The following SPPL2A variants were observed in gnomAD, a reference collection of about 807,000 sequenced individuals.
SPPL2A encodes the protein signal peptide peptidase-like 2A.
A neutral mutation model predicts 63.8 loss-of-function variants in SPPL2A; 51 were observed. The observed-to-expected ratio is 0.80, with a 90% CI of 0.64 to 1.01. The LOEUF (loss-of-function observed/expected upper bound fraction) is 1.01, where lower values mean the gene tolerates loss of function less well. Ranked by LOEUF, SPPL2A falls within the 50% of genes least tolerant of loss-of-function variation. The probability of loss-of-function intolerance (pLI) is 0.00; values close to 1 mark genes in which losing one functional copy is unlikely to be tolerated. For synonymous variants in SPPL2A, 188 were observed against 205.8 expected, an observed-to-expected ratio of 0.91 and a Z score of 0.74; for missense variants, 553 against 622.7, an observed-to-expected ratio of 0.89 and a Z score of 1.19.
chr15:50,724,969 A>G (rs1350718174), intron 12 of SPPL2A, among the ~76,000 whole-genome samples: 1 of 152,222 alleles, frequency 6.6e-6, no homozygotes, highest in African/African-American at 2.4e-5. Flanking sequence ...TTGAAGAAGA[A>G]GGTTAAACTG....
chr15:50,721,605 T>A (rs1367863656), intron 13 of SPPL2A, among the ~76,000 whole-genome samples: 2 of 131,836 alleles, frequency 1.5e-5, no homozygotes, highest in Admixed American at 7.6e-5. Flanking sequence ...AATACAAAAA[T>A]AATTTTTTTT....
intron 6 of SPPL2A, among the ~76,000 whole-genome samples, chr15:50,736,991 G>A (rs2062776497): frequency 1.3e-5 from 2 of 151,360 alleles, no homozygotes; most frequent in African/African-American, 4.8e-5. Flanking sequence ...GGCTCTCACT[G>A]CAATCTTTAC....
rs372109893 is a variant in SPPL2A, at chr15:50,748,128, A to T, written c.435T>A (p.Phe145Leu). The T allele has an allele frequency of 6.9e-7, 1 of 1,448,194 alleles. No individual in the cohort carries two copies. Among genetic ancestry groups the T allele is most frequent in the African/African-American group, 1.4e-5 (1 of 69,244 alleles). The allele number at this position is 1,448,194 out of a possible 1,614,324, so 89.7% of individuals were successfully genotyped here. A position where few individuals can be genotyped will look rare whatever the true frequency, so the allele number is the denominator to read the frequency against. The change falls in exon 4 of 15, where the codon TTT becomes TTA. Residue 145 changes from phenylalanine (F) to leucine (L), a missense_variant. Transcript: ENST00000261854. The part of the protein sequence containing the change: ...ILIAFISYKD[F>L]RDMNQTLGDN... ...GCTAATTTACCTGGTTCATATCTCT[A>T]AAGTCTTTGTAGCTTATAAATGCAA... is the stretch of plus-strand genomic sequence containing the variant.
At chr15:50,757,979 G>C (rs1046870933) in intron 1 of SPPL2A, among the ~76,000 whole-genome samples, 1 of 118,872 alleles carries the variant, frequency 8.4e-6, no homozygotes, top group African/African-American at 3.1e-5. Flanking sequence ...GTGAGACTCC[G>C]TCTCAATTAT....
intron 2 of SPPL2A, 98 bp downstream of exon 2, chr15:50,749,538 G>A (rs889813238): frequency 3.1e-5 from 24 of 770,374 alleles, no homozygotes; most frequent in Non-Finnish European, 4.8e-5. Context: ...CGCCCGCCTT[G>A]GCCTCCCAAA....
intron 5 of SPPL2A, among the ~76,000 whole-genome samples, chr15:50,743,669 C>A (rs542876344): frequency 6.6e-6 from 1 of 151,894 alleles, no homozygotes; most frequent in Non-Finnish European, 1.5e-5. Flanking sequence ...TTAATAAGAT[C>A]TCTAGATAAG....
rs2062484774 is a variant in SPPL2A, at chr15:50,702,697, C to T, written c.*5103G>A. 1 of 152,092 alleles carries T rather than the reference C, an allele frequency of 6.6e-6. No homozygotes were observed. The highest frequency in any genetic ancestry group is 1.5e-5 in the Non-Finnish European group (1 of 68,018). 9.4% of individuals were successfully genotyped at this position (152,092 alleles called of 1,614,324 possible). ...AAGCTGTTTGCAATACTTTTTATGC[C>T]TAATCAAAGAACCACATAATGACAT... On this transcript the variant is annotated 3_prime_UTR_variant, in exon 15 of 15. Coordinates refer to ENST00000261854, the MANE Select transcript of SPPL2A (RefSeq NM_032802.4).
intron 1 of SPPL2A, among the ~76,000 whole-genome samples, chr15:50,765,248 TG>T (rs1205168452): frequency 1.6e-5 from 2 of 125,702 alleles, no homozygotes; most frequent in Non-Finnish European, 1.7e-5. Flanking sequence ...GGGAACCGAG[TG>T]GGGGGCGGGA....
At chr15:50,710,799 GAGA>G (rs1316803062) in intron 14 of SPPL2A, among the ~76,000 whole-genome samples, 7 of 152,178 alleles carry the variant, frequency 4.6e-5, no homozygotes, top group African/African-American at 1.7e-4. Context: ...TAAAAATAAT[GAGA>G]AGTACTAGTG....
intron 5 of SPPL2A, among the ~76,000 whole-genome samples, chr15:50,740,446 G>GAAAAAAAAAAAAAAAAAAAAAAA (rs71207378): frequency 8.1e-6 from 1 of 123,506 alleles, no homozygotes; most frequent in Non-Finnish European, 1.6e-5. Context: ...AAAAAAAAAA[G>GAAAAAAAAAAAAAAAAAAAAAAA]AAAAAAAAAA....
Position 50,707,597 on chromosome 15 carries a change from T to G in SPPL2A, c.*203A>C, listed in dbSNP as rs2062520626. The G allele has an allele frequency of 5.6e-6, 3 of 539,374 alleles. No individual in the cohort carries two copies. Among genetic ancestry groups the G allele is most frequent in the Middle Eastern group, 4.9e-4 (1 of 2,026 alleles). The allele number at this position is 539,374 out of a possible 1,614,324, so 33.4% of individuals were successfully genotyped here. A position where few individuals can be genotyped will look rare whatever the true frequency, so the allele number is the denominator to read the frequency against. On this transcript the variant is annotated 3_prime_UTR_variant, in exon 15 of 15. Coordinates refer to ENST00000261854, the MANE Select transcript of SPPL2A (RefSeq NM_032802.4). ...GAAACTACACAGACCATATGTTTTA[T>G]TTAATGTGAAGGCACAACTTTAACA...
intron 1 of SPPL2A, among the ~76,000 whole-genome samples, chr15:50,758,621 C>T (rs979117594): frequency 6.6e-6 from 1 of 152,094 alleles, no homozygotes; most frequent in African/African-American, 2.4e-5. Context: ...AGCCATCATG[C>T]CCAGCCATTT....
In SPPL2A at chr15:50,707,675, T is replaced by C. The variant is rs2062521210; in HGVS notation, c.*125A>G. 5 of 610,670 alleles carry C rather than the reference T, an allele frequency of 8.2e-6. No individual in the cohort carries two copies. Among genetic ancestry groups the C allele is most frequent in the Non-Finnish European group, 1.5e-5 (5 of 340,928 alleles). The allele number at this position is 610,670 out of a possible 1,614,324, so 37.8% of individuals were successfully genotyped here. A position where few individuals can be genotyped will look rare whatever the true frequency, so the allele number is the denominator to read the frequency against. ...TGATGTAACTGTCAGTACCAGCTCATAAAAATATATTTTTGCAAGCATATC... is the reference window on the plus strand; with the variant it reads ...TGATGTAACTGTCAGTACCAGCTCACAAAAATATATTTTTGCAAGCATATC... On this transcript the variant is annotated 3_prime_UTR_variant, in exon 15 of 15. Coordinates refer to ENST00000261854, the MANE Select transcript of SPPL2A (RefSeq NM_032802.4).
rs967429624 is a variant in SPPL2A, at chr15:50,738,107, G to A, written c.734-1367C>T. 7.2e-5 allele frequency among the ~76,000 whole-genome samples: 11 copies of A among 152,074 alleles called. 1 individual carries two copies. In the East Asian group the frequency reaches 1.9e-3, roughly 27 times the overall value. ...GCTGAGGCAGGAGAATCGCTTGAAT[G>A]CGAGAGGCAGAGGTTGCAGTGAACC... On this transcript the variant is annotated intron_variant, in intron 6 of 14. Coordinates refer to ENST00000261854, the MANE Select transcript of SPPL2A (RefSeq NM_032802.4).
chr15:50,761,511 G>A (rs1236298154), intron 1 of SPPL2A, among the ~76,000 whole-genome samples: 1 of 152,168 alleles, frequency 6.6e-6, no homozygotes. Context: ...AGCCACTGGG[G>A]AGGCTGAGGC....
intron 14 of SPPL2A, among the ~76,000 whole-genome samples, chr15:50,718,923 A>C: frequency 6.6e-6 from 1 of 152,090 alleles, no homozygotes; most frequent in East Asian, 1.9e-4. Flanking sequence ...GGAGAGTGGT[A>C]GTTGTAATAG....
Position 50,732,458 on chromosome 15 carries a change from T to C in SPPL2A, c.1014+145A>G, listed in dbSNP as rs1286013088. The C allele has an allele frequency of 2.6e-5, 15 of 578,392 alleles. No individual in the cohort carries two copies. In the South Asian group the frequency reaches 3.2e-4, roughly 12 times the overall value. 35.8% of individuals were successfully genotyped at this position (578,392 alleles called of 1,614,324 possible). ...GAAATGTTCTACAACTTCACTGGGATAGTGGTTATAAAGTTACACATTCAT... is the reference window on the plus strand; with the variant it reads ...GAAATGTTCTACAACTTCACTGGGACAGTGGTTATAAAGTTACACATTCAT... On this transcript the variant is annotated intron_variant, in intron 9 of 14. Transcript: ENST00000261854.
intron 10 of SPPL2A, among the ~76,000 whole-genome samples, chr15:50,730,243 G>A (rs1337767624): frequency 1.3e-5 from 2 of 151,990 alleles, no homozygotes; most frequent in Non-Finnish European, 2.9e-5. Flanking sequence ...AAGAGCTAGC[G>A]GCAGATCTGG....
intron 2 of SPPL2A, among the ~76,000 whole-genome samples, chr15:50,749,113 T>C (rs2062884247): frequency 6.6e-6 from 1 of 152,190 alleles, no homozygotes; most frequent in African/African-American, 2.4e-5. Flanking sequence ...CAATAAAACA[T>C]AATTATCAGT....
Sources: gnomAD v4.1 joint callset for allele counts (sites outside exome capture counted in the v4.1 genomes callset) on GRCh38, gnomAD v4.1.1 for gene constraint, MANE v1.5 for transcripts, NCBI Gene and HGNC (gene_info 2026-07-23, HGNC 2026-07-21) for gene names.